Variants in PARVG observed in about 807,000 individuals in gnomAD.
The protein encoded by PARVG is parvin gamma.
PARVG carries 36 observed loss-of-function variants against 44.4 expected under a neutral mutation model. The ratio of observed to expected loss-of-function variants is 0.81; its 90% CI spans 0.62 to 1.07. The LOEUF is 1.07. PARVG is among the 50% of genes least tolerant of loss of function. PARVG has a pLI of 0.00. For synonymous variants in PARVG, 170 were observed against 174.1 expected (o/e 0.98, Z 0.19); for missense variants, 407 against 407.4 (o/e 1.00, Z 0.01).
chr22:44,190,460 C>A, intron 6 of PARVG, 91 bp from the exon 7 acceptor site: 1 of 937,676 alleles, frequency 1.1e-6, no homozygotes, highest in Admixed American at 1.8e-5. Flanking sequence ...CCTTGGTCTG[C>A]AGATGGTTGT....
intron 3 of PARVG, chr22:44,184,789 C>G (rs577834980): frequency 6.6e-6 from 1 of 152,222 alleles, no homozygotes; most frequent in African/African-American, 2.4e-5. Flanking sequence ...GTGTTTAAAA[C>G]ATTGAAGATT....
chr22:44,205,175 C>T (rs1386883793), intron 12 of PARVG, among the ~76,000 whole-genome samples: 1 of 152,220 alleles, frequency 6.6e-6, no homozygotes, highest in Non-Finnish European at 1.5e-5. Flanking sequence ...GTGGGGACCG[C>T]TCCAGTCTCT....
At chr22:44,180,317 T>C (rs981759106), upstream of PARVG, among the ~76,000 whole-genome samples, 1 of 152,202 alleles carries the variant, frequency 6.6e-6, no homozygotes, top group Non-Finnish European at 1.5e-5. Flanking sequence ...CACTGTCTCT[T>C]CTGGGTTCCT....
At chr22:44,198,329 T>G (rs139150) in intron 11 of PARVG, among the ~76,000 whole-genome samples, 33,843 of 152,192 alleles carry the variant, frequency 0.22, 3,874 homozygotes, top group Admixed American at 0.24. Flanking sequence ...TGTTTTCCCC[T>G]GTGTTTCTGT....
intron 7 of PARVG, among the ~76,000 whole-genome samples, chr22:44,191,198 A>T (rs1250623663): frequency 1.3e-5 from 2 of 151,756 alleles, no homozygotes; most frequent in Non-Finnish European, 2.9e-5. Flanking sequence ...GGAATCCACG[A>T]CTTCCCTCTC....
At chr22:44,179,094 T>C (rs1335284295), upstream of PARVG, among the ~76,000 whole-genome samples, 2 of 151,800 alleles carry the variant, frequency 1.3e-5, no homozygotes, top group African/African-American at 4.8e-5. The surrounding 1 kb of genome is among the most constrained non-coding windows in gnomAD (Gnocchi z 4.2). Flanking sequence ...GTGTTTGGCA[T>C]ATTTGCACAG....
At chr22:44,190,479 T>C in intron 6 of PARVG, 72 bp from the exon 7 acceptor site, 1 of 1,135,058 alleles carries the variant, frequency 8.8e-7, no homozygotes, top group Non-Finnish European at 1.3e-6. Context: ...GTTCTGACAG[T>C]GAGGAAGCCT....
intron 11 of PARVG, among the ~76,000 whole-genome samples, chr22:44,198,186 G>A (rs1044556159): frequency 2.6e-5 from 4 of 152,200 alleles, no homozygotes; most frequent in Non-Finnish European, 5.9e-5. Context: ...ATGATATGCT[G>A]GTGGCAGGGA....
Position 44,198,258 on chromosome 22 carries a change from G to A in PARVG, c.712-363G>A, listed in dbSNP as rs116676470. The stretch of plus-strand genomic sequence containing the variant: ...CAGAAATATTAATGTGGCAGCCAGC[G>A]AGATGAGCCTGGTGTGCTGCTCTCT... On this transcript the variant is annotated intron_variant, in intron 11 of 13. Transcript: ENST00000444313. 2.6e-3 allele frequency among the ~76,000 whole-genome samples: 396 copies of A among 152,318 alleles called. 1 individual carries two copies. Among genetic ancestry groups the A allele is most frequent in the African/African-American group, 9.0e-3 (374 of 41,560 alleles).
rs111247211 is a variant in PARVG at position 44,198,600 on chromosome 22, C to T, written c.712-21C>T. 1,742 of 1,577,906 alleles carry T rather than the reference C, an allele frequency of 1.1e-3. 11 individuals are homozygous for T. In the African/African-American group the frequency reaches 0.017, roughly 15 times the overall value. On this transcript the variant is annotated intron_variant, in intron 11 of 13. Transcript: ENST00000444313. ...CGCCAGGCTTCTTCCATGTGATTGTCTCCAGTTCCTTCCTTTGTAGTTTGC... is the reference window on the plus strand; with the variant it reads ...CGCCAGGCTTCTTCCATGTGATTGTTTCCAGTTCCTTCCTTTGTAGTTTGC...
At chr22:44,175,955 C>A (rs2054315522), upstream of PARVG, among the ~76,000 whole-genome samples, 1 of 152,212 alleles carries the variant, frequency 6.6e-6, no homozygotes. Flanking sequence ...CACCGGACAG[C>A]TTTTAGGAAA....
intron 12 of PARVG, among the ~76,000 whole-genome samples, chr22:44,200,758 T>C (rs868593599): frequency 2.6e-5 from 4 of 152,186 alleles, no homozygotes; most frequent in Non-Finnish European, 5.9e-5. Context: ...CCCTTTCACA[T>C]GCTCAGGGCG....
rs144195767 is a variant in PARVG, at chr22:44,187,596, C to A, written c.145-180C>A. On this transcript the variant is annotated intron_variant, in intron 4 of 13. Transcript: ENST00000444313. ...GAGAGAAGCAGGGAGTCTGCAGGAA[C>A]CTGGGGCAGGCCCCTAACAGCCTGG... 1.2e-3 allele frequency: 742 copies of A among 634,700 alleles called. 8 individuals are homozygous for A. The highest frequency in any genetic ancestry group is 0.011 in the East Asian group (392 of 36,428). 39.3% of individuals were successfully genotyped at this position (634,700 alleles called of 1,614,324 possible). A position where few individuals can be genotyped will look rare whatever the true frequency, so the allele number is the denominator to read the frequency against.
At chr22:44,180,315 C>G (rs182024947), upstream of PARVG, among the ~76,000 whole-genome samples, 4 of 152,332 alleles carry the variant, frequency 2.6e-5, no homozygotes, top group East Asian at 7.7e-4. Context: ...AGCACTGTCT[C>G]TTCTGGGTTC....
intron 13 of PARVG, 63 bp downstream of exon 13, chr22:44,205,892 A>T: frequency 6.4e-7 from 1 of 1,566,260 alleles, no homozygotes; most frequent in Non-Finnish European, 8.7e-7. Flanking sequence ...TGCGAGAGCC[A>T]CAGAACAGGG....
upstream of PARVG, among the ~76,000 whole-genome samples, chr22:44,179,109 A>T (rs930935960): frequency 1.4e-5 from 2 of 144,632 alleles, no homozygotes; most frequent in African/African-American, 5.3e-5. The surrounding 1 kb of genome is among the most constrained non-coding windows in gnomAD (Gnocchi z 4.2). Context: ...GCACAGGTAT[A>T]TTTCACACCG....
At chr22:44,188,913 T>C (rs2054511088) in intron 5 of PARVG, 1 of 636,156 alleles carries the variant, frequency 1.6e-6, no homozygotes, top group East Asian at 2.8e-5. Flanking sequence ...AATCCTGTTC[T>C]GTGTAGATGA....
chr22:44,193,977 T>G (rs139142), intron 9 of PARVG, among the ~76,000 whole-genome samples, 154 bp downstream of exon 9: 75,819 of 152,036 alleles, frequency 0.5, 19,642 homozygotes, highest in Middle Eastern at 0.66. Context: ...TTGTCCCTCT[T>G]TCTGTCTGTC....
chr22:44,176,887 C>G (rs2054324089), upstream of PARVG, among the ~76,000 whole-genome samples: 1 of 152,072 alleles, frequency 6.6e-6, no homozygotes. Flanking sequence ...TACATGGCGG[C>G]AGGCAAAAGA....
Sources: gnomAD v4.1 joint callset for allele counts (sites outside exome capture counted in the v4.1 genomes callset) on GRCh38, gnomAD v4.1.1 for gene constraint, Gnocchi (gnomAD v3.1) non-coding constraint, MANE v1.5 for transcripts, NCBI Gene and HGNC (gene_info 2026-07-23, HGNC 2026-07-21) for gene names.